Variants in GLIS3 observed in about 807,000 individuals in gnomAD.
The protein encoded by GLIS3 is zinc finger protein GLIS3.
GLIS3 carries 53 observed loss-of-function variants against 78.6 expected under a neutral mutation model. The observed-to-expected ratio is 0.67, with a 90% CI of 0.54 to 0.85. GLIS3 has a LOEUF of 0.85. Ranked by LOEUF, GLIS3 falls within the 40% of genes least tolerant of loss-of-function variation. The pLI is 0.00. For missense variants in GLIS3, 1,703 were observed against 1,231.1 expected, an observed-to-expected ratio of 1.38 and a Z score of -5.74; for synonymous variants, 684 against 509.9, an observed-to-expected ratio of 1.34 and a Z score of -4.60.
the GLIS3 span, among the ~76,000 whole-genome samples, chr9:4,397,711 AGG>A: frequency 2.3e-5 from 1 of 43,804 alleles, no homozygotes; most frequent in African/African-American, 1.3e-4. Flanking sequence ...GGAGGAAGGC[AGG>A]GAGGGAGGGA....
chr9:4,056,341 G>A (rs560149043), intron 4 of GLIS3, among the ~76,000 whole-genome samples: 2 of 152,312 alleles, frequency 1.3e-5, no homozygotes, highest in South Asian at 4.1e-4. Flanking sequence ...TGTGGATGCA[G>A]CTTCAAATAC....
chr9:4,357,677 A>G, the GLIS3 span, among the ~76,000 whole-genome samples: 1 of 152,114 alleles, frequency 6.6e-6, no homozygotes, highest in South Asian at 2.1e-4. Flanking sequence ...TCAACTTTCA[A>G]CTTTTTGGGG....
the GLIS3 span, among the ~76,000 whole-genome samples, chr9:4,423,788 C>T: frequency 4.3e-4 from 65 of 152,252 alleles, 1 homozygote; most frequent in East Asian, 0.011. Flanking sequence ...TCTAGACCTT[C>T]GGCTACCTTA....
intron 2 of GLIS3, among the ~76,000 whole-genome samples, chr9:4,162,001 G>A (rs936671980): frequency 1.2e-4 from 18 of 151,982 alleles, no homozygotes; most frequent in African/African-American, 4.3e-4. Flanking sequence ...CTAGAATTCT[G>A]AAATCAAGGT....
intron 4 of GLIS3, among the ~76,000 whole-genome samples, chr9:3,943,188 T>C (rs1461692315): frequency 6.6e-6 from 1 of 152,210 alleles, no homozygotes; most frequent in East Asian, 1.9e-4. Context: ...TGCATTTACA[T>C]GCTCTAGCAA....
intron 7 of GLIS3, among the ~76,000 whole-genome samples, chr9:3,882,470 CGGCTGGTGCATT>C (rs1554638366): frequency 6.6e-6 from 1 of 151,772 alleles, no homozygotes; most frequent in Non-Finnish European, 1.5e-5. Flanking sequence ...TACCATGCTA[CGGCTGGTGCATT>C]AGCTGGCTGC....
At chr9:4,172,387 G>GAC in intron 2 of GLIS3, among the ~76,000 whole-genome samples, 1 of 152,146 alleles carries the variant, frequency 6.6e-6, no homozygotes, top group East Asian at 1.9e-4. Context: ...TACTGAGTAA[G>GAC]ACACATGCAA....
At chr9:4,031,261 T>C (rs1000688899) in intron 4 of GLIS3, among the ~76,000 whole-genome samples, 8 of 152,046 alleles carry the variant, frequency 5.3e-5, no homozygotes, top group African/African-American at 1.9e-4. Context: ...AATGAATAGG[T>C]AAACAAAATG....
rs369677580 is a variant in GLIS3, at chr9:3,926,233, G to GTTT, written c.1983+6124_1983+6126dup. 9.8e-4 allele frequency among the ~76,000 whole-genome samples: 132 copies of GTTT among 135,128 alleles called. 25 individuals carry two copies. Among genetic ancestry groups the GTTT allele is most frequent in the Middle Eastern group, 4.1e-3 (1 of 246 alleles). The allele number at this position is 135,128 out of a possible 152,430, so 88.6% of individuals were successfully genotyped here. ...CGACTAAAGCAATGCTTTTTCTTTT[G>GTTT]TTTTTTTTTTTTTCTTTGACGGAGT... On this transcript the variant is annotated intron_variant, in intron 6 of 10. Coordinates refer to ENST00000381971, the MANE Select transcript of GLIS3 (RefSeq NM_001042413.2).
intron 7 of GLIS3, among the ~76,000 whole-genome samples, chr9:3,885,708 CTT>C (rs1194616556): frequency 2.0e-5 from 3 of 152,176 alleles, no homozygotes; most frequent in Non-Finnish European, 2.9e-5. Flanking sequence ...AATCTTGTCT[CTT>C]TGTCTCTCTC....
intron 9 of GLIS3, among the ~76,000 whole-genome samples, chr9:3,854,610 C>A (rs1446376610): frequency 6.6e-6 from 1 of 151,612 alleles, no homozygotes; most frequent in Non-Finnish European, 1.5e-5. Flanking sequence ...GATCTTGGCT[C>A]ACTGCCAGTT....
chr9:3,913,592 C>T (rs1052514662), intron 6 of GLIS3, among the ~76,000 whole-genome samples: 4 of 152,188 alleles, frequency 2.6e-5, no homozygotes, highest in Admixed American at 6.5e-5. Context: ...CTGGACTCTA[C>T]GTATCTACAA....
At chr9:4,363,104 A>G in the GLIS3 span, among the ~76,000 whole-genome samples, 1 of 152,274 alleles carries the variant, frequency 6.6e-6, no homozygotes, top group East Asian at 1.9e-4. Flanking sequence ...ACCACCAAAA[A>G]TAGAAGTGAT....
At chr9:4,465,378 T>C in the GLIS3 span, among the ~76,000 whole-genome samples, 1 of 152,136 alleles carries the variant, frequency 6.6e-6, no homozygotes, top group African/African-American at 2.4e-5. Flanking sequence ...TGAAACCACA[T>C]CTCTATTAAA....
chr9:4,475,865 T>C, the GLIS3 span, among the ~76,000 whole-genome samples: 2 of 152,008 alleles, frequency 1.3e-5, no homozygotes. Context: ...AGAGAGTCGT[T>C]GGATATTAAT....
At chr9:4,198,142 A>G (rs910395194) in intron 2 of GLIS3, among the ~76,000 whole-genome samples, 1 of 152,186 alleles carries the variant, frequency 6.6e-6, no homozygotes, top group African/African-American at 2.4e-5. Flanking sequence ...CTCTCCAGCA[A>G]TGGCCCCTAA....
At chr9:4,108,106 G>C (rs941427129) in intron 4 of GLIS3, among the ~76,000 whole-genome samples, 1 of 152,180 alleles carries the variant, frequency 6.6e-6, no homozygotes, top group African/African-American at 2.4e-5. Flanking sequence ...AAATTACTTA[G>C]CTCTGAGGGT....
chr9:3,934,319 G>T (rs1019429986), intron 5 of GLIS3, among the ~76,000 whole-genome samples: 1 of 152,020 alleles, frequency 6.6e-6, no homozygotes, highest in African/African-American at 2.4e-5. Flanking sequence ...TGTACAAAAA[G>T]CTTGATGACT....
At chr9:3,865,321 C>T (rs943259411) in intron 8 of GLIS3, among the ~76,000 whole-genome samples, 13 of 152,292 alleles carry the variant, frequency 8.5e-5, no homozygotes, top group East Asian at 7.7e-4. Flanking sequence ...TCCTGACTGT[C>T]GCTACGTGGG....
Sources: gnomAD v4.1 joint callset for allele counts (sites outside exome capture counted in the v4.1 genomes callset) on GRCh38, gnomAD v4.1.1 for gene constraint, MANE v1.5 for transcripts, NCBI Gene and HGNC (gene_info 2026-07-23, HGNC 2026-07-21) for gene names.